The following RANBP9 variants were observed in gnomAD, a reference collection of about 807,000 sequenced individuals.
RANBP9 encodes the protein ran-binding protein 9.
RANBP9 carries 15 observed loss-of-function variants against 84.3 expected under a neutral mutation model. The observed-to-expected ratio is 0.18, with a 90% confidence interval of 0.12 to 0.27. The LOEUF (loss-of-function observed/expected upper bound fraction) is 0.27, where lower values mean the gene tolerates loss of function less well. RANBP9 is among the 10% of genes least tolerant of loss of function. The pLI is 1.00. For missense variants in RANBP9, 809 were observed against 912.8 expected (o/e 0.89, Z 1.46); for synonymous variants, 392 against 349.6 (o/e 1.12, Z -1.35).
chr6:13,646,062 G>T (rs549015569), intron 5 of RANBP9, among the ~76,000 whole-genome samples: 9 of 152,250 alleles, frequency 5.9e-5, no homozygotes, highest in African/African-American at 2.2e-4. Flanking sequence ...CCAAAAACAG[G>T]TGAGATAGTA....
At chr6:13,652,502 C>T (rs1471491266) in intron 5 of RANBP9, among the ~76,000 whole-genome samples, 157 bp downstream of exon 5, 1 of 152,146 alleles carries the variant, frequency 6.6e-6, no homozygotes, top group Non-Finnish European at 1.5e-5. Context: ...GGTCTACACC[C>T]AAGGTGGTTA....
chr6:13,688,712 T>C (rs1408954287), intron 2 of RANBP9, among the ~76,000 whole-genome samples: 1 of 151,240 alleles, frequency 6.6e-6, no homozygotes, highest in East Asian at 1.9e-4. Context: ...TCACACTCTA[T>C]CCTCAGGCAA....
At chr6:13,624,600 T>C (rs1764548189) in intron 13 of RANBP9, among the ~76,000 whole-genome samples, 1 of 152,238 alleles carries the variant, frequency 6.6e-6, no homozygotes, top group Non-Finnish European at 1.5e-5. Flanking sequence ...TATATAGAAA[T>C]GCACAATATG....
chr6:13,634,127 C>T (rs1045544877), intron 11 of RANBP9, among the ~76,000 whole-genome samples: 8 of 152,162 alleles, frequency 5.3e-5, no homozygotes, highest in Admixed American at 3.3e-4. Flanking sequence ...GAAGTTCTAT[C>T]ATCTCCAACC....
intron 2 of RANBP9, among the ~76,000 whole-genome samples, chr6:13,675,391 C>T (rs1245518649): frequency 6.6e-6 from 1 of 152,120 alleles, no homozygotes; most frequent in Non-Finnish European, 1.5e-5. Flanking sequence ...GATTAAACAA[C>T]ACATTTTAAA....
chr6:13,706,017 G>C (rs1172596822), intron 1 of RANBP9, among the ~76,000 whole-genome samples: 1 of 152,072 alleles, frequency 6.6e-6, no homozygotes, highest in Non-Finnish European at 1.5e-5. Context: ...AAGTGTTCAA[G>C]CGCTAATGAC....
At chr6:13,686,186 C>G (rs1159653654) in intron 2 of RANBP9, among the ~76,000 whole-genome samples, 2 of 141,490 alleles carry the variant, frequency 1.4e-5, no homozygotes, top group African/African-American at 5.2e-5. Context: ...TTCACTGCAG[C>G]CTTGACCTCC....
intron 12 of RANBP9, among the ~76,000 whole-genome samples, chr6:13,626,444 G>C (rs528281596): frequency 6.6e-6 from 1 of 152,298 alleles, no homozygotes; most frequent in East Asian, 1.9e-4. Flanking sequence ...TGTAGCCTTT[G>C]GCAATTGACA....
intron 12 of RANBP9, among the ~76,000 whole-genome samples, chr6:13,626,629 T>C (rs539203568): frequency 2.6e-5 from 4 of 152,314 alleles, no homozygotes; most frequent in African/African-American, 9.6e-5. Context: ...ATTATACAAA[T>C]ATAAAAATAG....
chr6:13,673,187 C>T (rs1299508508), intron 2 of RANBP9, among the ~76,000 whole-genome samples: 1 of 151,950 alleles, frequency 6.6e-6, no homozygotes, highest in African/African-American at 2.4e-5. Flanking sequence ...AAAAGAAGGG[C>T]AAGAATTATA....
chr6:13,642,831 A>G (rs1018606560), intron 6 of RANBP9, among the ~76,000 whole-genome samples: 3 of 152,126 alleles, frequency 2.0e-5, no homozygotes, highest in Admixed American at 6.5e-5. Context: ...CCTAAAATAA[A>G]TATTACTTGA....
intron 2 of RANBP9, among the ~76,000 whole-genome samples, chr6:13,667,048 A>C (rs1395045915): frequency 6.6e-6 from 1 of 152,200 alleles, no homozygotes; most frequent in African/African-American, 2.4e-5. Context: ...GGACAGGCAA[A>C]ATTTATGTGA....
chr6:13,710,245 C>T (rs1758238973), intron 1 of RANBP9, among the ~76,000 whole-genome samples: 1 of 152,170 alleles, frequency 6.6e-6, no homozygotes, highest in Non-Finnish European at 1.5e-5. Context: ...TCGTTTTCAA[C>T]AAGACTTCAT....
intron 2 of RANBP9, among the ~76,000 whole-genome samples, chr6:13,659,592 G>GT (rs1217569129): frequency 6.6e-6 from 1 of 152,120 alleles, no homozygotes; most frequent in African/African-American, 2.4e-5. Flanking sequence ...CAATACACTT[G>GT]TAAGTATTAA....
At chr6:13,646,077 C>T (rs896803490) in intron 5 of RANBP9, among the ~76,000 whole-genome samples, 5 of 152,166 alleles carry the variant, frequency 3.3e-5, no homozygotes, top group South Asian at 2.1e-4. Flanking sequence ...ATAGTACAGC[C>T]TTCCCATTTC....
At chr6:13,694,439 T>C (rs1766395348) in intron 2 of RANBP9, among the ~76,000 whole-genome samples, 1 of 152,216 alleles carries the variant, frequency 6.6e-6, no homozygotes, top group Admixed American at 6.5e-5. Context: ...TATGCCATTC[T>C]TGAAATGGAC....
At chr6:13,697,217 T>C (rs1464558550) in intron 1 of RANBP9, among the ~76,000 whole-genome samples, 7 of 152,212 alleles carry the variant, frequency 4.6e-5, no homozygotes, top group African/African-American at 7.2e-5. Context: ...GGAAAAAGGC[T>C]GTATGAAGAA....
chr6:13,674,958 G>GTGGCA (rs934143376), intron 2 of RANBP9, among the ~76,000 whole-genome samples: 14 of 152,322 alleles, frequency 9.2e-5, no homozygotes, highest in Non-Finnish European at 1.9e-4. Context: ...AGTAGTAACT[G>GTGGCA]TGGCAGTCAG....
At chr6:13,705,935 G>A (rs980150073) in intron 1 of RANBP9, among the ~76,000 whole-genome samples, 1 of 150,706 alleles carries the variant, frequency 6.6e-6, no homozygotes, top group South Asian at 2.1e-4. Flanking sequence ...ATTTGCACTT[G>A]TAAGCAAGCA....
Sources: allele counts gnomAD v4.1 joint callset (sites outside exome capture counted in the v4.1 genomes callset), GRCh38; gene constraint gnomAD v4.1.1; transcripts MANE v1.5; gene names NCBI Gene and HGNC (gene_info 2026-07-23, HGNC 2026-07-21).